The following KLRD1 variants were observed in gnomAD, a reference collection of about 807,000 sequenced individuals.
KLRD1 encodes the protein killer cell lectin like receptor D1.
Under a neutral mutation model 22.6 loss-of-function variants are expected in KLRD1, and 21 were observed. That is an observed-to-expected ratio of 0.93 (90% confidence interval 0.66 to 1.34). The LOEUF (loss-of-function observed/expected upper bound fraction) is 1.34, where lower values mean the gene tolerates loss of function less well. Among genes scored for constraint, KLRD1 ranks in the 40% most tolerant of loss-of-function variants. The pLI, the probability that KLRD1 is intolerant of heterozygous loss-of-function variation, is 0.00. For synonymous variants in KLRD1, 59 were observed against 71.1 expected, an observed-to-expected ratio of 0.83 and a Z score of 0.85; for missense variants, 183 against 208.6, an observed-to-expected ratio of 0.88 and a Z score of 0.76.
At chr12:10,295,231 A>G (rs1464261529) in intron 1 of KLRD1, among the ~76,000 whole-genome samples, 1 of 152,124 alleles carries the variant, frequency 6.6e-6, no homozygotes, top group Admixed American at 6.5e-5. Context: ...GTAACCACGT[A>G]TCTGTATTTT....
intron 1 of KLRD1, among the ~76,000 whole-genome samples, chr12:10,240,132 C>T (rs1399175289): frequency 1.3e-5 from 2 of 151,854 alleles, no homozygotes; most frequent in Non-Finnish European, 2.9e-5. Flanking sequence ...GTGATCTCAG[C>T]TCAATGCAGC....
intron 1 of KLRD1, among the ~76,000 whole-genome samples, chr12:10,261,447 T>C (rs1036558241): frequency 6.6e-6 from 1 of 152,204 alleles, no homozygotes; most frequent in Non-Finnish European, 1.5e-5. Flanking sequence ...ACATTACTGC[T>C]GTTAATGTCT....
intron 1 of KLRD1, among the ~76,000 whole-genome samples, chr12:10,263,534 G>A (rs985174424): frequency 4.6e-5 from 7 of 152,104 alleles, no homozygotes; most frequent in Middle Eastern, 3.4e-3. Flanking sequence ...CCGTGGTCAC[G>A]TATAAAAGAT....
At chr12:10,294,266 A>G (rs1949802310) in intron 1 of KLRD1, among the ~76,000 whole-genome samples, 1 of 152,214 alleles carries the variant, frequency 6.6e-6, no homozygotes, top group Admixed American at 6.5e-5. Context: ...TCATTCAGGA[A>G]GATCCATCTT....
chr12:10,304,509 A>T (rs1235125685), upstream of KLRD1: 1 of 151,870 alleles, frequency 6.6e-6, no homozygotes, highest in Admixed American at 6.6e-5. Context: ...AGTTCAAGAG[A>T]CTCTAATGCC....
chr12:10,244,533 G>C (rs1024508063), intron 1 of KLRD1, among the ~76,000 whole-genome samples: 1 of 152,176 alleles, frequency 6.6e-6, no homozygotes. Context: ...TGTAATCCCA[G>C]CACTTTGAGA....
intron 1 of KLRD1, among the ~76,000 whole-genome samples, chr12:10,268,543 T>G (rs1484721895): frequency 1.3e-5 from 2 of 152,236 alleles, no homozygotes; most frequent in Non-Finnish European, 2.9e-5. Context: ...CTGTTCTTTT[T>G]ATTTTGATTG....
At chr12:10,262,412 A>G (rs1851910909) in intron 1 of KLRD1, among the ~76,000 whole-genome samples, 1 of 152,104 alleles carries the variant, frequency 6.6e-6, no homozygotes, top group Admixed American at 6.5e-5. Context: ...TAATTTTTGC[A>G]TTATTGTTTT....
At chr12:10,257,147 T>C (rs1303133777) in intron 1 of KLRD1, among the ~76,000 whole-genome samples, 1 of 150,026 alleles carries the variant, frequency 6.7e-6, no homozygotes, top group Non-Finnish European at 1.5e-5. Flanking sequence ...TTCTTTTTTT[T>C]TTTTTTTTTT....
upstream of KLRD1, among the ~76,000 whole-genome samples, chr12:10,305,658 AT>A (rs1326759426): frequency 6.6e-6 from 1 of 152,198 alleles, no homozygotes; most frequent in Non-Finnish European, 1.5e-5. Context: ...GCACTTCCGG[AT>A]TAGCATGTCT....
chr12:10,268,688 C>T (rs1014595055), intron 1 of KLRD1, among the ~76,000 whole-genome samples: 7 of 151,890 alleles, frequency 4.6e-5, no homozygotes, highest in Non-Finnish European at 8.8e-5. Context: ...TTTTCCTTGC[C>T]GAAGACATGC....
At chr12:10,282,781 C>T (rs368935696) in intron 1 of KLRD1, among the ~76,000 whole-genome samples, 6 of 152,028 alleles carry the variant, frequency 3.9e-5, no homozygotes, top group East Asian at 3.9e-4. Flanking sequence ...GTCAAATGAG[C>T]GACGTTTGAC....
Position 10,319,398 on chromosome 12 carries a change from C to T in KLRD1, c.*4605C>T, listed in dbSNP as rs1295612467. On this transcript the variant is annotated 3_prime_UTR_variant, in exon 6 of 6. Transcript: ENST00000336164. ...TTATAGACAAGTTGCAAGATGTTCA[C>T]CAATGATTCCCACCTTGTGCTATAC... 6.6e-6 allele frequency: 1 copy of T among 152,198 alleles called. No individual in the cohort carries two copies. The highest frequency in any genetic ancestry group is 1.5e-5 in the Non-Finnish European group (1 of 68,034). 9.4% of individuals were successfully genotyped at this position (152,198 alleles called of 1,614,324 possible).
In KLRD1 at chr12:10,320,543, C is replaced by T. The variant is rs1950302794; in HGVS notation, c.*5750C>T. ...TGTTGAATATCTTGTCTGATTTCTT[C>T]CTACTACTTATATTACAATGCTATA... On this transcript the variant is annotated 3_prime_UTR_variant, in exon 6 of 6. Transcript: ENST00000336164. 1 of 152,168 alleles carries T rather than the reference C, an allele frequency of 6.6e-6. No homozygotes were observed. The highest frequency in any genetic ancestry group is 2.1e-4 in the South Asian group (1 of 4,832). The allele number at this position is 152,168 out of a possible 1,614,324, so 9.4% of individuals were successfully genotyped here.
intron 1 of KLRD1, among the ~76,000 whole-genome samples, chr12:10,272,302 A>G (rs1003393421): frequency 6.6e-6 from 1 of 152,188 alleles, no homozygotes; most frequent in African/African-American, 2.4e-5. Flanking sequence ...CCAAAAGTCA[A>G]TAACATTACC....
chr12:10,312,483 A>G (rs1485440094), intron 4 of KLRD1, among the ~76,000 whole-genome samples: 2 of 151,526 alleles, frequency 1.3e-5, no homozygotes, highest in Non-Finnish European at 2.9e-5. Flanking sequence ...GGTTCACGCC[A>G]TTCTCCTGCC....
intron 1 of KLRD1, among the ~76,000 whole-genome samples, chr12:10,269,110 T>C (rs1279741864): frequency 6.6e-6 from 1 of 152,084 alleles, no homozygotes; most frequent in African/African-American, 2.4e-5. Flanking sequence ...GCTTATCTAG[T>C]AGTCATTTTC....
chr12:10,308,352 T>C, intron 1 of KLRD1: 1 of 454,314 alleles, frequency 2.2e-6, no homozygotes, highest in Non-Finnish European at 4.0e-6. Flanking sequence ...AACTGAACTT[T>C]AGCCTGGTTA....
At position 10,322,477 on chromosome 12, in the gene KLRD1, T is replaced by C. The variant is rs1700129791; in HGVS notation, c.*7684T>C. On this transcript the variant is annotated 3_prime_UTR_variant, in exon 6 of 6. Transcript: ENST00000336164. ...ATTAAAATTTTTTGTTTTTTGGTTTTTTTAGTTCTCAATTATGTTGTATAA... is the reference window on the plus strand; with the variant it reads ...ATTAAAATTTTTTGTTTTTTGGTTTCTTTAGTTCTCAATTATGTTGTATAA... 1.3e-5 allele frequency: 2 copies of C among 152,250 alleles called. No homozygotes were observed. Among genetic ancestry groups the C allele is most frequent in the Admixed American group, 1.3e-4 (2 of 15,282 alleles). 9.4% of individuals were successfully genotyped at this position (152,250 alleles called of 1,614,324 possible). A position where few individuals can be genotyped will look rare whatever the true frequency, so the allele number is the denominator to read the frequency against.
Sources: gnomAD v4.1 joint callset for allele counts (sites outside exome capture counted in the v4.1 genomes callset) on GRCh38, gnomAD v4.1.1 for gene constraint, MANE v1.5 for transcripts, NCBI Gene and HGNC (gene_info 2026-07-23, HGNC 2026-07-21) for gene names.